Variants in LRMDA observed in about 807,000 individuals in gnomAD.
LRMDA encodes the protein leucine-rich melanocyte differentiation-associated protein.
A neutral mutation model predicts 29.8 loss-of-function variants in LRMDA; 18 were observed. That is an observed-to-expected ratio of 0.60 (90% CI 0.42 to 0.90). LRMDA has a LOEUF of 0.90. Ranked by LOEUF, LRMDA falls within the 40% of genes least tolerant of loss-of-function variation. The pLI is 0.00. For missense variants in LRMDA, 273 were observed against 273.9 expected (o/e 1.00, Z 0.02); for synonymous variants, 125 against 109.4 (o/e 1.14, Z -0.89).
At chr10:75,916,825 T>A (rs1845942925) in intron 2 of LRMDA, among the ~76,000 whole-genome samples, 1 of 152,204 alleles carries the variant, frequency 6.6e-6, no homozygotes, top group Non-Finnish European at 1.5e-5. Flanking sequence ...GTAATAGTTT[T>A]AAAATTATTT....
intron 2 of LRMDA, among the ~76,000 whole-genome samples, chr10:75,862,735 A>G (rs867218226): frequency 6.6e-6 from 1 of 152,224 alleles, no homozygotes; most frequent in South Asian, 2.1e-4. Flanking sequence ...TGGAAGTTCC[A>G]GAAATCACCA....
intron 6 of LRMDA, among the ~76,000 whole-genome samples, chr10:76,327,038 T>G (rs981216471): frequency 2.6e-5 from 4 of 152,106 alleles, no homozygotes; most frequent in Admixed American, 2.6e-4. Context: ...TATGTGTATC[T>G]TAAACTCCTC....
chr10:75,480,842 T>G (rs1844848410), intron 2 of LRMDA, among the ~76,000 whole-genome samples: 1 of 151,726 alleles, frequency 6.6e-6, no homozygotes, highest in African/African-American at 2.4e-5. Flanking sequence ...GGAAGGAGAG[T>G]AGATGAACCT....
At position 76,276,210 on chromosome 10, in the gene LRMDA, G is replaced by A. The variant is rs116511475; in HGVS notation, c.517-48191G>A. Among the ~76,000 whole-genome samples the A allele has an allele frequency of 2.0e-3, 306 of 152,146 alleles. 4 individuals carry two copies. Among genetic ancestry groups the A allele is most frequent in the East Asian group, 0.013 (68 of 5,180 alleles). ...GGCTGGAGTGCAGTGATGCAATCGC[G>A]GCTAACTGTAGCCTTGAACTCTTGG... is the stretch of plus-strand genomic sequence containing the variant. On this transcript the variant is annotated intron_variant, in intron 5 of 6. Transcript: ENST00000611255.
chr10:75,950,954 T>G (rs1375338093), intron 2 of LRMDA, among the ~76,000 whole-genome samples: 2 of 152,198 alleles, frequency 1.3e-5, no homozygotes, highest in African/African-American at 4.8e-5. Flanking sequence ...CAGGGTAAGA[T>G]CCATGTGCCA....
chr10:76,225,512 A>G (rs1311255602), intron 5 of LRMDA, among the ~76,000 whole-genome samples: 1 of 151,716 alleles, frequency 6.6e-6, no homozygotes, highest in Non-Finnish European at 1.5e-5. Context: ...TCATAAATGG[A>G]TTGGTAATGA....
Position 75,678,096 on chromosome 10 carries a change from A to G in LRMDA, c.131+239602A>G, listed in dbSNP as rs1429710896. 3.3e-5 allele frequency among the ~76,000 whole-genome samples: 5 copies of G among 152,336 alleles called. No individual in the cohort carries two copies. The East Asian group carries it at 9.6e-4, about 29-fold the overall frequency. ...AACTCATTCACACAGAAATATTCAT[A>G]CATATACATATATGTGTACACAGAT... On this transcript the variant is annotated intron_variant, in intron 2 of 6. Coordinates refer to ENST00000611255, the MANE Select transcript of LRMDA (RefSeq NM_001305581.2).
intron 2 of LRMDA, among the ~76,000 whole-genome samples, chr10:75,983,555 A>C (rs142342305): frequency 6.6e-6 from 1 of 152,106 alleles, no homozygotes; most frequent in Non-Finnish European, 1.5e-5. Context: ...ATTAGCTCTC[A>C]CTTACAAGTT....
At chr10:75,802,335 GCACACACACACACACA>G (rs10571839) in intron 2 of LRMDA, among the ~76,000 whole-genome samples, 6,448 of 147,102 alleles carry the variant, frequency 0.044, 414 homozygotes, top group East Asian at 0.33. Context: ...ACACACACGC[GCACACACACACACACA>G]CACACACACA....
At chr10:75,469,996 G>A (rs1434698254) in intron 2 of LRMDA, among the ~76,000 whole-genome samples, 1 of 152,068 alleles carries the variant, frequency 6.6e-6, no homozygotes, top group Non-Finnish European at 1.5e-5. Context: ...GTCTTTGGTG[G>A]CCCCACACTT....
chr10:76,409,315 G>A (rs533104265), intron 6 of LRMDA, among the ~76,000 whole-genome samples: 77 of 152,132 alleles, frequency 5.1e-4, no homozygotes, highest in Non-Finnish European at 1.0e-3. Context: ...TCCATTATTG[G>A]AATGCTAAGC....
intron 5 of LRMDA, among the ~76,000 whole-genome samples, chr10:76,255,312 C>T (rs1196700989): frequency 2.0e-5 from 3 of 152,192 alleles, no homozygotes; most frequent in Non-Finnish European, 4.4e-5. Context: ...AGAAGGCAAT[C>T]TTCCGCTGTC....
intron 2 of LRMDA, among the ~76,000 whole-genome samples, chr10:75,969,674 C>G (rs990904227): frequency 6.6e-6 from 1 of 152,240 alleles, no homozygotes; most frequent in African/African-American, 2.4e-5. Context: ...TTAATTTTCT[C>G]TTTCTGAAAG....
chr10:76,115,140 T>G (rs114206110), intron 5 of LRMDA, among the ~76,000 whole-genome samples: 4,160 of 152,314 alleles, frequency 0.027, 210 homozygotes, highest in African/African-American at 0.095. Context: ...TCCAGGCAAT[T>G]TGGCCACAAG....
At chr10:76,291,932 G>GCA (rs34113053) in intron 5 of LRMDA, among the ~76,000 whole-genome samples, 11,118 of 148,514 alleles carry the variant, frequency 0.075, 950 homozygotes, top group African/African-American at 0.22. Flanking sequence ...ACACACACGT[G>GCA]CACACACACA....
chr10:76,089,319 CTTTG>C (rs1385103751), intron 5 of LRMDA, among the ~76,000 whole-genome samples: 2 of 152,210 alleles, frequency 1.3e-5, no homozygotes, highest in African/African-American at 2.4e-5. Context: ...CAACACTTCC[CTTTG>C]TTTGATTGTC....
rs940519264 is a variant in LRMDA, at chr10:76,202,976, A to T, written c.517-121425A>T. ...TCTTTCTCTGACTAATTGGAAACAC[A>T]TCTCTCTATTTTCCTGCCATTGAGA... On this transcript the variant is annotated intron_variant, in intron 5 of 6. Coordinates refer to ENST00000611255, the MANE Select transcript of LRMDA (RefSeq NM_001305581.2). Among the ~76,000 whole-genome samples, 4 of 152,184 alleles carry T rather than the reference A, an allele frequency of 2.6e-5. No individual in the cohort carries two copies. The East Asian group carries it at 7.7e-4, about 29-fold the overall frequency.
intron 2 of LRMDA, among the ~76,000 whole-genome samples, chr10:75,835,279 G>T (rs1844413972): frequency 6.6e-6 from 1 of 152,108 alleles, no homozygotes; most frequent in South Asian, 2.1e-4. Flanking sequence ...CTTGTCTTGT[G>T]GCCCCTTCCT....
intron 2 of LRMDA, among the ~76,000 whole-genome samples, chr10:75,650,303 G>A (rs2132126059): frequency 6.6e-6 from 1 of 152,278 alleles, no homozygotes; most frequent in East Asian, 1.9e-4. Flanking sequence ...TGTAGATAGT[G>A]TTAGGTAAGG....
Sources: allele counts gnomAD v4.1 joint callset (sites outside exome capture counted in the v4.1 genomes callset), GRCh38; gene constraint gnomAD v4.1.1; transcripts MANE v1.5; gene names NCBI Gene and HGNC (gene_info 2026-07-23, HGNC 2026-07-21).